The following ATP2C1 variants were observed in gnomAD, a reference collection of about 807,000 sequenced individuals.
ATP2C1 encodes the protein calcium-transporting ATPase type 2C member 1.
In ATP2C1, 31 loss-of-function variants were observed where a neutral mutation model predicts 120.5. The ratio of observed to expected loss-of-function variants is 0.26; its 90% confidence interval spans 0.19 to 0.35. The LOEUF (loss-of-function observed/expected upper bound fraction) is 0.35, where lower values mean the gene tolerates loss of function less well. ATP2C1 is among the 10% of genes least tolerant of loss of function. The probability of loss-of-function intolerance (pLI) is 1.00; values close to 1 mark genes in which losing one functional copy is unlikely to be tolerated. For synonymous variants in ATP2C1, 351 were observed against 358.7 expected, an observed-to-expected ratio of 0.98 and a Z score of 0.24; for missense variants, 731 against 1,107.5, an observed-to-expected ratio of 0.66 and a Z score of 4.83.
At chr3:130,962,929 A>G (rs1030784021) in intron 12 of ATP2C1, 4 of 151,812 alleles carry the variant, frequency 2.6e-5, no homozygotes, top group Admixed American at 6.6e-5. Context: ...AAAGTCAATT[A>G]CGGTTATAGA....
intron 6 of ATP2C1, among the ~76,000 whole-genome samples, chr3:130,940,093 C>G (rs2059829145): frequency 6.6e-6 from 1 of 152,122 alleles, no homozygotes; most frequent in Admixed American, 6.5e-5. Context: ...GAGAATTTTC[C>G]TTTTTGGATA....
At chr3:130,926,831 C>A (rs1376129476) in intron 2 of ATP2C1, among the ~76,000 whole-genome samples, 1 of 152,250 alleles carries the variant, frequency 6.6e-6, no homozygotes, top group Non-Finnish European at 1.5e-5. Context: ...CATTAAACAT[C>A]TCAACACATT....
chr3:130,960,618 C>T (rs1011401454), intron 12 of ATP2C1, among the ~76,000 whole-genome samples: 2 of 152,100 alleles, frequency 1.3e-5, no homozygotes, highest in African/African-American at 4.8e-5. Flanking sequence ...ACTAGGTGAA[C>T]AGAACTAGAG....
intron 20 of ATP2C1, among the ~76,000 whole-genome samples, chr3:130,989,670 T>C (rs2062221817): frequency 6.6e-6 from 1 of 152,192 alleles, no homozygotes; most frequent in Admixed American, 6.5e-5. Flanking sequence ...TTTGCTTCAA[T>C]AAGTTTGTAC....
intron 20 of ATP2C1, among the ~76,000 whole-genome samples, chr3:130,988,672 T>C (rs1268814081): frequency 2.6e-5 from 4 of 152,148 alleles, no homozygotes; most frequent in African/African-American, 9.7e-5. Flanking sequence ...ATGGGGATCA[T>C]GTCTCTCGGA....
intron 20 of ATP2C1, among the ~76,000 whole-genome samples, chr3:130,981,089 G>A (rs897508079): frequency 1.3e-5 from 2 of 152,150 alleles, no homozygotes; most frequent in South Asian, 2.1e-4. Flanking sequence ...CCATTTTAGT[G>A]TATAGTTCTG....
upstream of ATP2C1, among the ~76,000 whole-genome samples, chr3:130,889,998 G>C (rs1240278427): frequency 6.6e-6 from 1 of 152,098 alleles, no homozygotes; most frequent in Non-Finnish European, 1.5e-5. Context: ...GAAAGTAGGA[G>C]CTTGGATTTT....
intron 20 of ATP2C1, among the ~76,000 whole-genome samples, chr3:130,987,121 AAG>A (rs2062058474): frequency 1.3e-5 from 2 of 151,596 alleles, no homozygotes; most frequent in Non-Finnish European, 2.9e-5. Flanking sequence ...AAAAAAAAAA[AAG>A]AAAGAAAATC....
chr3:130,897,044 G>C (rs564136296), intron 2 of ATP2C1, among the ~76,000 whole-genome samples: 1 of 152,266 alleles, frequency 6.6e-6, no homozygotes, highest in African/African-American at 2.4e-5. Context: ...GTAAGTGCTC[G>C]GTAAATGTTA....
intron 2 of ATP2C1, among the ~76,000 whole-genome samples, chr3:130,914,953 G>A (rs891207423): frequency 2.6e-5 from 4 of 152,168 alleles, no homozygotes; most frequent in African/African-American, 9.7e-5. Flanking sequence ...TAGCACCTAC[G>A]GGAAAGCAGT....
chr3:130,894,435 A>AGAG lies in ATP2C1; in HGVS notation c.-181+99_-181+100insAGG. ...ATCCCCTGGATGGGGGGGCATCTCT[A>AGAG]GGGCGCCGCCCCGCTGGCGTGAGCT... is the stretch of plus-strand genomic sequence containing the variant. On this transcript the variant is annotated intron_variant, in intron 1 of 27. Transcript: ENST00000510168. This position sits in a 1 kb window ranked among gnomAD's most constrained non-coding sequence, Gnocchi z 4.5. The AGAG allele has an allele frequency of 7.8e-7, 1 of 1,275,846 alleles. No individual in the cohort carries two copies. Among genetic ancestry groups the AGAG allele is most frequent in the Non-Finnish European group, 1.0e-6 (1 of 1,002,810 alleles). The allele number at this position is 1,275,846 out of a possible 1,614,324, so 79.0% of individuals were successfully genotyped here.
At chr3:130,958,294 ATACTT>A (rs2060668596) in intron 11 of ATP2C1, among the ~76,000 whole-genome samples, 1 of 152,124 alleles carries the variant, frequency 6.6e-6, no homozygotes, top group Non-Finnish European at 1.5e-5. Flanking sequence ...TCTGTTGGAA[ATACTT>A]TACTTTGCCA....
At chr3:130,891,717 C>T (rs1436143324), upstream of ATP2C1, among the ~76,000 whole-genome samples, 1 of 152,116 alleles carries the variant, frequency 6.6e-6, no homozygotes, top group Non-Finnish European at 1.5e-5. Flanking sequence ...TGTTCACTTA[C>T]TTTATGAGAT....
At chr3:130,997,383 TTATC>T (rs1219800836) in intron 24 of ATP2C1, among the ~76,000 whole-genome samples, 2 of 152,184 alleles carry the variant, frequency 1.3e-5, no homozygotes, top group Non-Finnish European at 1.5e-5. Context: ...TGAAAGTTGA[TTATC>T]TATCCCCTAT....
intron 1 of ATP2C1, chr3:130,850,934 ATT>A: frequency 7.5e-7 from 1 of 1,338,252 alleles, no homozygotes; most frequent in South Asian, 1.9e-5. Flanking sequence ...AACAGGTATC[ATT>A]TTGTTTATAT....
chr3:130,999,718 T>G (rs2062798840), intron 27 of ATP2C1, 59 bp downstream of exon 27: 2 of 1,464,330 alleles, frequency 1.4e-6, no homozygotes, highest in Non-Finnish European at 9.4e-7. Flanking sequence ...TTTTCTAATG[T>G]GTTTGTTTTA....
downstream of ATP2C1, among the ~76,000 whole-genome samples, chr3:131,003,784 A>G (rs112210302): frequency 2.4e-3 from 366 of 152,338 alleles, 2 homozygotes; most frequent in Non-Finnish European, 4.0e-3. Context: ...TTTTGAGATC[A>G]CTTAAGTTTT....
exon 27 of ATP2C1, chr3:131,016,198 C>T (rs375974705): frequency 6.2e-7 from 1 of 1,613,960 alleles, no homozygotes; most frequent in African/African-American, 1.3e-5. Context: ...GAGATACATC[C>T]CCATCTGGAG....
chr3:130,918,270 G>T lies in ATP2C1; in HGVS notation c.7-12146G>T, dbSNP rs907188694. On this transcript the variant is annotated intron_variant, in intron 2 of 27. Transcript: ENST00000510168. ...CCTTGGCCATAGCCAAATCCCTTGG[G>T]CCCAAAGTTCTTTGCATAGCACCCT... 9 of 1,542,208 alleles carry T rather than the reference G, an allele frequency of 5.8e-6. No individual in the cohort carries two copies. In the African/African-American group the frequency reaches 1.2e-4, roughly 21 times the overall value.
Sources: allele counts gnomAD v4.1 joint callset (sites outside exome capture counted in the v4.1 genomes callset), GRCh38; gene constraint gnomAD v4.1.1; non-coding constraint Gnocchi (gnomAD v3.1); transcripts MANE v1.5; gene names NCBI Gene and HGNC (gene_info 2026-07-23, HGNC 2026-07-21).